The following NR5A2 variants were observed in gnomAD, a reference collection of about 807,000 sequenced individuals.
The protein encoded by NR5A2 is nuclear receptor subfamily 5 group A member 2.
Under a neutral mutation model 62.7 loss-of-function variants are expected in NR5A2, and 26 were observed. The ratio of observed to expected loss-of-function variants is 0.41; its 90% CI spans 0.30 to 0.58. The LOEUF is 0.58. Ranked by LOEUF, NR5A2 falls within the 20% of genes least tolerant of loss-of-function variation. The probability of loss-of-function intolerance (pLI) is 0.22; values close to 1 mark genes in which losing one functional copy is unlikely to be tolerated. For synonymous variants in NR5A2, 246 were observed against 241.7 expected (o/e 1.02, Z -0.16); for missense variants, 541 against 669.1 (o/e 0.81, Z 2.11).
chr1:200,157,374 GGTCACCACATA>G (rs553077762), intron 7 of NR5A2, among the ~76,000 whole-genome samples: 74 of 152,236 alleles, frequency 4.9e-4, no homozygotes, highest in African/African-American at 1.8e-3. Context: ...GAAAGGGAAT[GGTCACCACATA>G]GTCTTAGTTT....
chr1:200,056,376 GTTAC>G (rs1662918303), intron 5 of NR5A2, among the ~76,000 whole-genome samples: 1 of 152,086 alleles, frequency 6.6e-6, no homozygotes, highest in African/African-American at 2.4e-5. Flanking sequence ...CCATGCATTA[GTTAC>G]TTCTACTAAG....
Position 200,119,207 on chromosome 1 carries a change from T to TA in NR5A2, c.1231-1593dup, listed in dbSNP as rs572588691. 6.0e-3 allele frequency among the ~76,000 whole-genome samples: 908 copies of TA among 152,198 alleles called. 5 individuals are homozygous for TA. The highest frequency in any genetic ancestry group is 9.6e-3 in the Non-Finnish European group (656 of 67,996). On this transcript the variant is annotated intron_variant, in intron 6 of 7. Transcript: ENST00000367362. ...AATTCAACTCATCATATTTACACAA[T>TA]AAAAAAAATCCATTCTGCCTTGTTT...
At chr1:200,038,628 T>C in intron 1 of NR5A2, 1 of 1,037,290 alleles carries the variant, frequency 9.6e-7, no homozygotes, top group Non-Finnish European at 1.4e-6. Flanking sequence ...ACTCCCTTCA[T>C]CTCCTCATCC....
chr1:200,069,131 T>C (rs1663625037), intron 5 of NR5A2, among the ~76,000 whole-genome samples: 1 of 152,222 alleles, frequency 6.6e-6, no homozygotes, highest in Non-Finnish European at 1.5e-5. Flanking sequence ...ATACCAGGCA[T>C]AGTCCCATTA....
intron 7 of NR5A2, among the ~76,000 whole-genome samples, chr1:200,149,352 T>C (rs1667884352): frequency 6.6e-6 from 1 of 152,230 alleles, no homozygotes; most frequent in African/African-American, 2.4e-5. Flanking sequence ...CCCACAACAG[T>C]TGGCTTTGAT....
In NR5A2 at chr1:200,099,000, A is replaced by G. The variant is rs1283585478; in HGVS notation, c.1111-12202A>G. Among the ~76,000 whole-genome samples the G allele has an allele frequency of 4.6e-5, 7 of 152,326 alleles. No individual in the cohort carries two copies. In the South Asian group the frequency reaches 1.0e-3, roughly 23 times the overall value. ...TGTTGGAGCTCCATCTTCAATTGCT[A>G]CTACTTTCTATGAATCCATTTCTGG... On this transcript the variant is annotated intron_variant, in intron 5 of 7. Transcript: ENST00000367362.
chr1:200,120,495 T>A (rs1355806944), intron 6 of NR5A2, among the ~76,000 whole-genome samples: 1 of 152,242 alleles, frequency 6.6e-6, no homozygotes, highest in Non-Finnish European at 1.5e-5. Context: ...GACATAGTAA[T>A]TCTGATGCAT....
At chr1:200,134,296 C>T (rs1394490509) in intron 7 of NR5A2, among the ~76,000 whole-genome samples, 1 of 152,208 alleles carries the variant, frequency 6.6e-6, no homozygotes, top group Non-Finnish European at 1.5e-5. Context: ...TCACTCACCA[C>T]TCACTCACTG....
At chr1:200,159,435 T>C (rs1653533994) in intron 7 of NR5A2, among the ~76,000 whole-genome samples, 1 of 151,878 alleles carries the variant, frequency 6.6e-6, no homozygotes. Context: ...GATACTGGGG[T>C]TGGGCGAGAG....
At chr1:200,148,805 G>A (rs1020443422) in intron 7 of NR5A2, among the ~76,000 whole-genome samples, 2 of 151,816 alleles carry the variant, frequency 1.3e-5, no homozygotes, top group African/African-American at 2.4e-5. Flanking sequence ...AAATGGAAAC[G>A]TGAAGGATCC....
At chr1:200,045,127 G>A (rs1662298458) in intron 3 of NR5A2, among the ~76,000 whole-genome samples, 1 of 151,848 alleles carries the variant, frequency 6.6e-6, no homozygotes, top group Admixed American at 6.6e-5. Flanking sequence ...TGGGATAATA[G>A]GAAAATAGAT....
chr1:200,036,310 G>C (rs2102138998), intron 1 of NR5A2, among the ~76,000 whole-genome samples: 1 of 152,318 alleles, frequency 6.6e-6, no homozygotes, highest in East Asian at 1.9e-4. Context: ...CTTTCGGAGA[G>C]GGCTTTCTGG....
intron 5 of NR5A2, among the ~76,000 whole-genome samples, chr1:200,083,891 G>A (rs970825745): frequency 1.3e-5 from 2 of 151,732 alleles, no homozygotes; most frequent in African/African-American, 4.8e-5. Flanking sequence ...CTTGAACCTG[G>A]GAGGTGGAGG....
At position 200,038,695 on chromosome 1, in the gene NR5A2, C is replaced by T. The variant is rs773318800; in HGVS notation, c.65-963C>T. Reference sequence around the variant, plus strand: ...GCCCCCATCCCTTCTTCTTGCTTCCCCTCAGATCGAGGAAATTGCCGCTCT... The same window carrying T: ...GCCCCCATCCCTTCTTCTTGCTTCCTCTCAGATCGAGGAAATTGCCGCTCT... On this transcript the variant is annotated intron_variant, in intron 1 of 7. Transcript: ENST00000367362. The T allele has an allele frequency of 2.2e-6, 3 of 1,366,286 alleles. No individual in the cohort carries two copies. In the South Asian group the frequency reaches 3.4e-5, roughly 16 times the overall value. The allele number at this position is 1,366,286 out of a possible 1,614,324, so 84.6% of individuals were successfully genotyped here.
chr1:200,154,870 A>C (rs1326665879), intron 7 of NR5A2, among the ~76,000 whole-genome samples: 2 of 152,150 alleles, frequency 1.3e-5, no homozygotes, highest in Non-Finnish European at 1.5e-5. Flanking sequence ...CACCTGCCTT[A>C]GTGGCTGGAA....
chr1:200,113,313 C>G (rs1666049987), intron 6 of NR5A2, among the ~76,000 whole-genome samples: 1 of 152,078 alleles, frequency 6.6e-6, no homozygotes, highest in Non-Finnish European at 1.5e-5. Flanking sequence ...CTGTCAGAAC[C>G]CCTCCCTTCA....
At chr1:200,136,520 T>C (rs1426783990) in intron 7 of NR5A2, among the ~76,000 whole-genome samples, 1 of 152,258 alleles carries the variant, frequency 6.6e-6, no homozygotes, top group Admixed American at 6.5e-5. Context: ...TCATTTGCCA[T>C]TCCTGTTTTA....
At chr1:200,065,036 C>G (rs1663404464) in intron 5 of NR5A2, among the ~76,000 whole-genome samples, 1 of 152,126 alleles carries the variant, frequency 6.6e-6, no homozygotes, top group African/African-American at 2.4e-5. Context: ...TCTTCTGCCT[C>G]AGCCTCCCGA....
intron 7 of NR5A2, among the ~76,000 whole-genome samples, chr1:200,129,292 G>C (rs1666861364): frequency 6.6e-6 from 1 of 152,018 alleles, no homozygotes; most frequent in Non-Finnish European, 1.5e-5. Context: ...TGAAAATGAA[G>C]GCTTTATAAA....
Sources: allele counts gnomAD v4.1 joint callset (sites outside exome capture counted in the v4.1 genomes callset), GRCh38; gene constraint gnomAD v4.1.1; transcripts MANE v1.5; gene names NCBI Gene and HGNC (gene_info 2026-07-23, HGNC 2026-07-21).